CHI3L2: variants seen among roughly 807,000 people sequenced by gnomAD.
CHI3L2 encodes chitinase 3 like 2, also known as chitinase-3-like protein 2.
In CHI3L2, 47 loss-of-function variants were observed where a neutral mutation model predicts 47.3. The observed-to-expected ratio is 0.99, with a 90% CI of 0.79 to 1.27. The LOEUF is 1.27. Among genes scored for constraint, CHI3L2 ranks in the 50% most tolerant of loss-of-function variants. The probability of loss-of-function intolerance (pLI) is 0.00; values close to 1 mark genes in which losing one functional copy is unlikely to be tolerated. For missense variants in CHI3L2, 497 were observed against 462.1 expected (o/e 1.08, Z -0.69); for synonymous variants, 198 against 169.9 (o/e 1.17, Z -1.28).
Position 111,236,143 on chromosome 1 carries a change from A to G in CHI3L2, c.725A>G (p.Tyr242Cys). The G allele has an allele frequency of 1.9e-6, 3 of 1,614,130 alleles. No homozygotes were observed. The highest frequency in any genetic ancestry group is 1.7e-6 in the Non-Finnish European group (2 of 1,180,012). The change falls in exon 7 of 11, where the codon TAC (tyrosine) becomes TGC (cysteine). Residue 242 changes from tyrosine (Y) to cysteine (C), a missense_variant. Physicochemically the swap from Tyr to Cys is radical, Grantham distance 194. Transcript: ENST00000369748. ...TGGCAGGACAGAGGGCCAAGCTCCTACTACAATGTGGTGAGTAGGCCAGGG... is the reference window on the plus strand; with the variant it reads ...TGGCAGGACAGAGGGCCAAGCTCCTGCTACAATGTGGTGAGTAGGCCAGGG... The part of the protein sequence containing the change: ...KGWQDRGPSS[Y>C]YNVEYAVGYW...
chr1:111,235,554 A>G lies in CHI3L2; in HGVS notation c.481-85A>G, dbSNP rs1321716543. 2.7e-6 allele frequency: 4 copies of G among 1,461,462 alleles called. No individual in the cohort carries two copies. The African/African-American group carries it at 5.7e-5, about 21-fold the overall frequency. The allele number at this position is 1,461,462 out of a possible 1,614,324, so 90.5% of individuals were successfully genotyped here. ...GATCCTTTCCATCTAATGTGGTTCT[A>G]GAAACCTCATAGATTCCAGGCAAGA... On this transcript the variant is annotated intron_variant, in intron 5 of 10. Transcript: ENST00000369748.
intron 4 of CHI3L2, 106 bp from the exon 5 acceptor site, chr1:111,234,801 T>G: frequency 9.7e-7 from 1 of 1,035,552 alleles, no homozygotes; most frequent in Non-Finnish European, 1.4e-6. Context: ...AAATTGTAAG[T>G]GAATATTGGG....
At chr1:111,236,928 G>A (rs963141585) in intron 7 of CHI3L2, among the ~76,000 whole-genome samples, 1 of 152,178 alleles carries the variant, frequency 6.6e-6, no homozygotes, top group African/African-American at 2.4e-5. Context: ...GAAATCATAA[G>A]GGTTCAAAGT....
At chr1:111,231,458 A>C (rs757919157) in intron 4 of CHI3L2, 164 bp downstream of exon 4, 3 of 594,220 alleles carry the variant, frequency 5.0e-6, no homozygotes, top group Non-Finnish European at 9.0e-6. Context: ...GAACAGCATT[A>C]GGTTTCCTGG....
rs536582258 is a variant in CHI3L2 at position 111,233,550 on chromosome 1, G to T, written c.330-1357G>T. Among the ~76,000 whole-genome samples the T allele has an allele frequency of 1.2e-3, 178 of 152,214 alleles. 1 individual carries two copies. The highest frequency in any genetic ancestry group is 0.01 in the Middle Eastern group (3 of 294). ...AAAGTGTTAAAGAAAACCAAAGCTG[G>T]CATCCAGGAGGGAGGTGGGGGGGGT... On this transcript the variant is annotated intron_variant, in intron 4 of 10. Transcript: ENST00000369748.
chr1:111,229,965 A>T, intron 2 of CHI3L2, 84 bp downstream of exon 2: 1 of 1,471,208 alleles, frequency 6.8e-7, no homozygotes, highest in South Asian at 1.2e-5. Context: ...TTTCTGCTAC[A>T]TGCTTTTTCT....
At chr1:111,227,663 G>A, upstream of CHI3L2, 1 of 1,485,666 alleles carries the variant, frequency 6.7e-7, no homozygotes, top group Non-Finnish European at 9.4e-7. Flanking sequence ...GTGTAGGACA[G>A]GCTGTCGAAA....
chr1:111,236,090 T>C lies in CHI3L2; in HGVS notation c.672T>C (p.Thr224=), dbSNP rs374106752. Residue 224 remains threonine, a synonymous_variant, in exon 7 of 11, where the codon ACT becomes ACC. Coordinates refer to ENST00000369748, the MANE Select transcript of CHI3L2 (RefSeq NM_004000.3). ...GGTCTTGGGAAAAGCCCCTTATCAC[T>C]GGCCACAACAGCCCTCTGAGCAAGG... ...FHGSWEKPLI[T]GHNSPLSKGW... 114 of 1,614,188 alleles carry C rather than the reference T, an allele frequency of 7.1e-5. No individual in the cohort carries two copies. The highest frequency in any genetic ancestry group is 8.4e-5 in the Non-Finnish European group (99 of 1,180,024).
chr1:111,235,974 T>G, intron 6 of CHI3L2, 50 bp from the exon 7 acceptor site: 1 of 1,607,116 alleles, frequency 6.2e-7, no homozygotes, highest in Non-Finnish European at 8.5e-7. Context: ...TTACAATTGT[T>G]TCTACCACTG....
chr1:111,234,838 T>C, intron 4 of CHI3L2, 69 bp from the exon 5 acceptor site: 1 of 1,464,758 alleles, frequency 6.8e-7, no homozygotes, highest in Non-Finnish European at 9.4e-7. Flanking sequence ...AGGATTTCTG[T>C]GAAAAATGTG....
At chr1:111,236,209 A>G in intron 7 of CHI3L2, 56 bp downstream of exon 7, 1 of 1,574,082 alleles carries the variant, frequency 6.4e-7, no homozygotes, top group South Asian at 1.1e-5. Flanking sequence ...GGCTGGGGAG[A>G]GTCCAGCATG....
intron 7 of CHI3L2, among the ~76,000 whole-genome samples, chr1:111,236,744 G>A (rs1659899402): frequency 6.6e-6 from 1 of 152,182 alleles, no homozygotes; most frequent in Non-Finnish European, 1.5e-5. Context: ...TATCAAGATA[G>A]GAGAATTGCA....
At chr1:111,230,006 CAT>C (rs2101544553) in intron 2 of CHI3L2, 125 bp downstream of exon 2, 1 of 1,028,200 alleles carries the variant, frequency 9.7e-7, no homozygotes, top group Non-Finnish European at 1.5e-6. Flanking sequence ...CTGCCACTGA[CAT>C]ATTTATGACA....
chr1:111,234,031 A>G (rs1403017306), intron 4 of CHI3L2, among the ~76,000 whole-genome samples: 1 of 150,162 alleles, frequency 6.7e-6, no homozygotes, highest in Non-Finnish European at 1.5e-5. Flanking sequence ...CCTAATCTCA[A>G]GTACCCAGGG....
chr1:111,234,050 ACTGCGGAAGGCCG>A (rs1659805426), intron 4 of CHI3L2, among the ~76,000 whole-genome samples: 1 of 150,502 alleles, frequency 6.6e-6, no homozygotes, highest in Non-Finnish European at 1.5e-5. Flanking sequence ...GGACACAAAC[ACTGCGGAAGGCCG>A]CAGGGTCCTC....
intron 2 of CHI3L2, 98 bp from the exon 3 acceptor site, chr1:111,230,644 C>A (rs1017708367): frequency 1.6e-4 from 156 of 992,484 alleles, no homozygotes; most frequent in African/African-American, 3.4e-4. Flanking sequence ...GCAGAATGAG[C>A]AAATGATGCA....
intron 1 of CHI3L2, 125 bp from the exon 2 acceptor site, chr1:111,229,727 G>A: frequency 7.1e-7 from 1 of 1,406,070 alleles, no homozygotes. Context: ...AGCTGTGGCT[G>A]GGGAGCCCAG....
Position 111,228,218 on chromosome 1 carries a change from T to C in CHI3L2, c.40+449T>C, listed in dbSNP as rs536067734. On this transcript the variant is annotated intron_variant, in intron 1 of 10. Transcript: ENST00000369748. Reference sequence around the variant, plus strand: ...TTTTTTAAACTCTCCCTTTCAACTCTAAAGTTCTGATCCAAAACTCTGGCT... The same window carrying C: ...TTTTTTAAACTCTCCCTTTCAACTCCAAAGTTCTGATCCAAAACTCTGGCT... Among the ~76,000 whole-genome samples the C allele has an allele frequency of 4.6e-5, 7 of 152,300 alleles. No individual in the cohort carries two copies. The South Asian group carries it at 1.4e-3, about 32-fold the overall frequency.
At position 111,241,313 on chromosome 1, in the gene CHI3L2, C is replaced by A. The variant is rs1660047004; in HGVS notation, c.919-14C>A. ...ACCCATTACTGACCCTCTCGTTTCCCTTTCCCCTGCCAGATCTGCCAGTTC... is the reference window on the plus strand; with the variant it reads ...ACCCATTACTGACCCTCTCGTTTCCATTTCCCCTGCCAGATCTGCCAGTTC... On this transcript the variant is annotated splice_polypyrimidine_tract_variant and intron_variant, in intron 8 of 10. Coordinates refer to ENST00000369748, the MANE Select transcript of CHI3L2 (RefSeq NM_004000.3). 1 of 1,432,356 alleles carries A rather than the reference C, an allele frequency of 7.0e-7. No individual in the cohort carries two copies. Among genetic ancestry groups the A allele is most frequent in the Non-Finnish European group, 9.9e-7 (1 of 1,012,450 alleles). The allele number at this position is 1,432,356 out of a possible 1,614,324, so 88.7% of individuals were successfully genotyped here.
Sources: allele counts gnomAD v4.1 joint callset (sites outside exome capture counted in the v4.1 genomes callset), GRCh38; gene constraint gnomAD v4.1.1; transcripts MANE v1.5; gene names NCBI Gene and HGNC (gene_info 2026-07-23, HGNC 2026-07-21).